Variants in EPB41L4A observed in about 807,000 individuals in gnomAD.
EPB41L4A encodes band 4.1-like protein 4A.
In EPB41L4A, 100 loss-of-function variants were observed where a neutral mutation model predicts 108.6. That is an observed-to-expected ratio of 0.92 (90% confidence interval 0.78 to 1.09). The LOEUF (loss-of-function observed/expected upper bound fraction) is 1.09, where lower values mean the gene tolerates loss of function less well. EPB41L4A is among the 50% of genes least tolerant of loss of function. The probability of loss-of-function intolerance (pLI) is 0.00; values close to 1 mark genes in which losing one functional copy is unlikely to be tolerated. For synonymous variants in EPB41L4A, 319 were observed against 289.0 expected, an observed-to-expected ratio of 1.10 and a Z score of -1.05; for missense variants, 1,030 against 842.7, an observed-to-expected ratio of 1.22 and a Z score of -2.75.
At chr5:112,189,215 A>G (rs1008743667) in intron 17 of EPB41L4A, among the ~76,000 whole-genome samples, 13 of 152,236 alleles carry the variant, frequency 8.5e-5, no homozygotes, top group Admixed American at 2.6e-4. Flanking sequence ...CAGATCCTGC[A>G]GGAACTTCAG....
chr5:112,155,352 A>C (rs1206642673), intron 12 of EPB41L4A, among the ~76,000 whole-genome samples: 1 of 152,110 alleles, frequency 6.6e-6, no homozygotes, highest in African/African-American at 2.4e-5. Context: ...AACTCAATGC[A>C]ACATTTTTAG....
chr5:112,205,472 T>A lies in EPB41L4A; in HGVS notation c.1211A>T (p.Asp404Val). The A allele has an allele frequency of 6.2e-7, 1 of 1,613,804 alleles. No homozygotes were observed. Among genetic ancestry groups the A allele is most frequent in the Non-Finnish European group, 8.5e-7 (1 of 1,179,876 alleles). ...TGCATGAGATTTGCTTCTTTGGGTA[T>A]CAGGGCTATTTTCATTCTTTGCTTT... is the stretch of plus-strand genomic sequence containing the variant. Reference protein sequence around the residue: ...FKKAKNENSPDTQRSKSHAPW... With the variant: ...FKKAKNENSPVTQRSKSHAPW... Residue 404 changes from aspartate to valine, a missense_variant, in exon 14 of 23, where the codon GAT becomes GTT. Coordinates refer to ENST00000261486, the MANE Select transcript of EPB41L4A (RefSeq NM_022140.5).
chr5:112,150,660 G>C (rs1484906883), intron 12 of EPB41L4A, among the ~76,000 whole-genome samples: 1 of 152,134 alleles, frequency 6.6e-6, no homozygotes, highest in Non-Finnish European at 1.5e-5. Flanking sequence ...ATAAAATTCA[G>C]ATCATCCAAG....
At chr5:112,404,400 C>T (rs1761960855) in intron 1 of EPB41L4A, among the ~76,000 whole-genome samples, 1 of 152,180 alleles carries the variant, frequency 6.6e-6, no homozygotes, top group East Asian at 1.9e-4. Flanking sequence ...GATGGAGCCA[C>T]AAGATAATGA....
intron 12 of EPB41L4A, among the ~76,000 whole-genome samples, chr5:112,219,024 G>T (rs1487097352): frequency 6.6e-6 from 1 of 152,140 alleles, no homozygotes. Flanking sequence ...AAAAACATAT[G>T]AAATGAGTTG....
chr5:112,389,837 C>T (rs996820059), intron 1 of EPB41L4A, among the ~76,000 whole-genome samples: 1 of 152,122 alleles, frequency 6.6e-6, no homozygotes, highest in Admixed American at 6.5e-5. Context: ...ATCCTCACAA[C>T]AATGCTAGAA....
At chr5:112,284,406 A>T (rs1221029527) in intron 2 of EPB41L4A, among the ~76,000 whole-genome samples, 1 of 152,062 alleles carries the variant, frequency 6.6e-6, no homozygotes, top group Admixed American at 6.6e-5. Flanking sequence ...TCTGAATTGT[A>T]CCCTGGTGTG....
Position 112,264,990 on chromosome 5 carries a change from T to C in EPB41L4A, c.460A>G (p.Lys154Glu), listed in dbSNP as rs985804793. The change falls in exon 6 of 23, where the codon AAA becomes GAA. Residue 154 changes from lysine (K) to glutamate (E), a missense_variant. Physicochemically the swap from Lys to Glu is moderately conservative, Grantham distance 56. Coordinates refer to ENST00000261486, the MANE Select transcript of EPB41L4A (RefSeq NM_022140.5). ...TCAGATACATATCCTGCAGTATGTT[T>C]ATATGGGTCATAATCTCCAAGCTCC... ...QSELGDYDPY[K>E]HTAGYVSEYR... is the part of the protein sequence containing the mutation. 3.7e-6 allele frequency: 6 copies of C among 1,606,086 alleles called. No homozygotes were observed. Among genetic ancestry groups the C allele is most frequent in the Non-Finnish European group, 5.1e-6 (6 of 1,177,566 alleles).
intron 1 of EPB41L4A, among the ~76,000 whole-genome samples, chr5:112,336,555 G>C (rs2150682321): frequency 6.6e-6 from 1 of 152,292 alleles, no homozygotes; most frequent in African/African-American, 2.4e-5. Context: ...TACTTCCAGT[G>C]GTACAAGAGC....
At chr5:112,148,969 T>G (rs916721148) in intron 12 of EPB41L4A, among the ~76,000 whole-genome samples, 1 of 152,208 alleles carries the variant, frequency 6.6e-6, no homozygotes, top group South Asian at 2.1e-4. Context: ...CATGCTAATT[T>G]AATTATCTTG....
chr5:112,376,900 C>G (rs537172687), intron 1 of EPB41L4A, among the ~76,000 whole-genome samples: 2 of 152,046 alleles, frequency 1.3e-5, no homozygotes, highest in African/African-American at 4.8e-5. Context: ...GAAGAGAGTA[C>G]GTCTATAAAA....
chr5:112,194,475 G>T, intron 17 of EPB41L4A, 93 bp downstream of exon 17: 1 of 700,604 alleles, frequency 1.4e-6, no homozygotes, highest in Non-Finnish European at 2.3e-6. Flanking sequence ...GACTCAGATG[G>T]AAAAAACAGA....
intron 3 of EPB41L4A, among the ~76,000 whole-genome samples, chr5:112,278,335 C>T (rs762743629): frequency 3.3e-5 from 5 of 151,660 alleles, no homozygotes; most frequent in African/African-American, 7.3e-5. Context: ...CTGCAACCTC[C>T]GCCTCCTGGG....
chr5:112,316,237 AATG>A (rs1381158018), intron 1 of EPB41L4A, among the ~76,000 whole-genome samples: 1 of 152,212 alleles, frequency 6.6e-6, no homozygotes, highest in African/African-American at 2.4e-5. Context: ...AGCTTCACAG[AATG>A]ATAACTATTA....
intron 17 of EPB41L4A, among the ~76,000 whole-genome samples, chr5:112,187,571 T>C (rs974573706): frequency 6.6e-6 from 1 of 152,234 alleles, no homozygotes; most frequent in South Asian, 2.1e-4. Context: ...AAATGCCATA[T>C]AATCATTTGA....
chr5:112,377,611 T>C (rs1336406551), intron 1 of EPB41L4A, among the ~76,000 whole-genome samples: 1 of 152,156 alleles, frequency 6.6e-6, no homozygotes, highest in Non-Finnish European at 1.5e-5. Context: ...GGGGGCATCC[T>C]GTAGTTTTGC....
intron 1 of EPB41L4A, among the ~76,000 whole-genome samples, chr5:112,335,012 C>T (rs928631059): frequency 1.3e-5 from 2 of 152,052 alleles, no homozygotes; most frequent in East Asian, 1.9e-4. Flanking sequence ...AGCCTCACCC[C>T]GAAAGTCATG....
At chr5:112,375,103 C>T (rs1332998505) in intron 1 of EPB41L4A, among the ~76,000 whole-genome samples, 1 of 152,160 alleles carries the variant, frequency 6.6e-6, no homozygotes, top group African/African-American at 2.4e-5. Context: ...TCTGTTTTGT[C>T]GTTGCTACTT....
intron 4 of EPB41L4A, 184 bp downstream of exon 4, chr5:112,275,142 A>G (rs1288333464): frequency 2.5e-5 from 16 of 640,258 alleles, no homozygotes; most frequent in Non-Finnish European, 3.7e-5. Flanking sequence ...TTTCAAACAC[A>G]TCTATCATCA....
Sources: allele counts gnomAD v4.1 joint callset (sites outside exome capture counted in the v4.1 genomes callset), GRCh38; gene constraint gnomAD v4.1.1; transcripts MANE v1.5; gene names NCBI Gene and HGNC (gene_info 2026-07-23, HGNC 2026-07-21).